STARD8: variants seen among roughly 807,000 people sequenced by gnomAD.
The protein encoded by STARD8 is stAR-related lipid transfer protein 8.
In STARD8, 25 loss-of-function variants were observed where a neutral mutation model predicts 69.4. The observed-to-expected ratio is 0.36, with a 90% CI of 0.26 to 0.50. The LOEUF is 0.50. Among genes scored for constraint, STARD8 ranks in the 20% least tolerant of loss-of-function variants. STARD8 has a pLI of 0.96. For missense variants in STARD8, 921 were observed against 932.5 expected, an observed-to-expected ratio of 0.99 and a Z score of 0.16; for synonymous variants, 389 against 374.6, an observed-to-expected ratio of 1.04 and a Z score of -0.45.
chrX:68,700,996 G>A (rs2079962408), intron 2 of STARD8, among the ~76,000 whole-genome samples: 1 of 111,527 alleles, frequency 9.0e-6, no homozygotes, highest in African/African-American at 3.3e-5. Flanking sequence ...CTGTCATTTG[G>A]TTGTTTTTCA....
chrX:68,717,071 C>T, intron 5 of STARD8, 141 bp from the exon 6 acceptor site: 1 of 983,003 alleles, frequency 1.0e-6, no homozygotes, highest in Non-Finnish European at 1.3e-6. Flanking sequence ...AGCTAGCTCT[C>T]CCCACCTAGG....
At chrX:68,691,865 T>A (rs1308683830) in intron 2 of STARD8, among the ~76,000 whole-genome samples, 1 of 112,664 alleles carries the variant, frequency 8.9e-6, no homozygotes, top group Non-Finnish European at 1.9e-5. Context: ...TCATTAGTCA[T>A]ATGATTGTCA....
chrX:68,666,560 G>A (rs2147880988), intron 2 of STARD8, among the ~76,000 whole-genome samples: 1 of 112,492 alleles, frequency 8.9e-6, no homozygotes, highest in African/African-American at 3.2e-5. Context: ...GATGCAGAGA[G>A]AGGATTCTAG....
chrX:68,709,565 T>C (rs928647287), intron 2 of STARD8, among the ~76,000 whole-genome samples: 9 of 111,455 alleles, frequency 8.1e-5, no homozygotes, highest in Admixed American at 5.7e-4. Flanking sequence ...CCTAGCACTT[T>C]GGGAGGCTGA....
chrX:68,695,482 T>C (rs998256579), intron 2 of STARD8, among the ~76,000 whole-genome samples: 20 of 111,519 alleles, frequency 1.8e-4, no homozygotes, highest in African/African-American at 3.3e-5. Context: ...TCTCCTGTTT[T>C]TGGAGAATTA....
At chrX:68,652,828 A>C (rs1602533547) in intron 1 of STARD8, among the ~76,000 whole-genome samples, 2 of 40,881 alleles carry the variant, frequency 4.9e-5, no homozygotes, top group Non-Finnish European at 8.9e-5. Flanking sequence ...CACACACCCC[A>C]CACCCCACAC....
chrX:68,688,525 C>T (rs962833586), intron 2 of STARD8, among the ~76,000 whole-genome samples: 3 of 110,974 alleles, frequency 2.7e-5, no homozygotes, highest in Admixed American at 1.9e-4. Flanking sequence ...AAGGAAGAGC[C>T]TCTCTTTCTG....
Position 68,724,498 on chromosome X carries a change from C to A in STARD8, c.*76C>A. 1 of 921,629 alleles carries A rather than the reference C, an allele frequency of 1.1e-6. No homozygotes were observed. Among genetic ancestry groups the A allele is most frequent in the Non-Finnish European group, 1.5e-6 (1 of 656,242 alleles). The allele number at this position is 921,629 out of a possible 1,213,427, so 76.0% of individuals were successfully genotyped here. ...GGAGCGAGGGGGAATAAGAGCAGGG[C>A]AGCCCCCTGGGTGCCGCTGTCAGGA... On this transcript the variant is annotated 3_prime_UTR_variant, in exon 15 of 15. Transcript: ENST00000374599.
intron 2 of STARD8, among the ~76,000 whole-genome samples, chrX:68,685,785 T>G (rs1328421081): frequency 8.9e-6 from 1 of 112,646 alleles, no homozygotes; most frequent in African/African-American, 3.2e-5. Context: ...ATTCTGGTAC[T>G]AGAAAGATTT....
rs2079524226 is a variant in STARD8 at position 68,647,822 on chromosome X, A to C, written c.-61A>C. 1.7e-6 allele frequency: 2 copies of C among 1,164,516 alleles called. No individual in the cohort carries two copies. The highest frequency in any genetic ancestry group is 2.3e-6 in the Non-Finnish European group (2 of 868,724). ...GGGCCTCTTTTAGCCTCGTCCCCAG[A>C]GAGGGAGGAGCCGGTGCCCGGCACA... On this transcript the variant is annotated 5_prime_UTR_variant, in exon 1 of 15. Coordinates refer to ENST00000374599, the MANE Select transcript of STARD8 (RefSeq NM_001142503.3).
At chrX:68,657,859 T>C (rs749387797) in intron 1 of STARD8, among the ~76,000 whole-genome samples, 7 of 110,257 alleles carry the variant, frequency 6.3e-5, no homozygotes, top group Non-Finnish European at 1.3e-4. Context: ...ATTGGGAAGG[T>C]GAGATGGGGA....
rs746323471 is a variant in STARD8 at position 68,718,225 on chromosome X, A to C, written c.1311A>C (p.Gln437His). Residue 437 changes from glutamine to histidine, a missense_variant, in exon 6 of 15, where the codon CAA (glutamine) becomes CAC (histidine). Coordinates refer to ENST00000374599, the MANE Select transcript of STARD8 (RefSeq NM_001142503.3). ...TAGCCACAGTTGAGGTCAAATGCCA[A>C]GCTGAGGCTCTCAGCCAGATGGAGG... ...VEIATVEVKC[Q>H]AEALSQMEVP... 1.7e-6 allele frequency: 2 copies of C among 1,211,673 alleles called. No homozygotes were observed. Among genetic ancestry groups the C allele is most frequent in the Non-Finnish European group, 2.2e-6 (2 of 895,420 alleles).
At chrX:68,681,763 T>C (rs939444636) in intron 2 of STARD8, among the ~76,000 whole-genome samples, 1 of 111,562 alleles carries the variant, frequency 9.0e-6, no homozygotes, top group Non-Finnish European at 1.9e-5. Flanking sequence ...GGCTTTGTGG[T>C]CAGGGTGCCA....
chrX:68,683,088 G>A (rs1231424329), intron 2 of STARD8, among the ~76,000 whole-genome samples: 2 of 112,264 alleles, frequency 1.8e-5, no homozygotes, highest in East Asian at 2.8e-4. Context: ...GATTAGCATC[G>A]ATATAGGGAA....
chrX:68,710,834 C>T (rs1180272179), intron 2 of STARD8, among the ~76,000 whole-genome samples: 1 of 112,301 alleles, frequency 8.9e-6, no homozygotes, highest in Non-Finnish European at 1.9e-5. Flanking sequence ...TTTCTGGCAC[C>T]TCCCTTTTGT....
intron 2 of STARD8, among the ~76,000 whole-genome samples, chrX:68,668,242 C>T (rs2079702711): frequency 1.3e-5 from 1 of 76,603 alleles, no homozygotes; most frequent in South Asian, 6.0e-4. Flanking sequence ...TCTCCTCTTT[C>T]TTTCTTTCTT....
At chrX:68,667,142 GA>G (rs1301990839) in intron 2 of STARD8, among the ~76,000 whole-genome samples, 1 of 112,208 alleles carries the variant, frequency 8.9e-6, no homozygotes, top group African/African-American at 3.2e-5. Context: ...GTTAAAGTTT[GA>G]AAATGTCTAT....
chrX:68,706,359 T>C (rs2080006865), intron 2 of STARD8, among the ~76,000 whole-genome samples: 1 of 112,001 alleles, frequency 8.9e-6, no homozygotes, highest in Admixed American at 9.4e-5. Context: ...AGAGTTGTGA[T>C]TCCAGTGAAG....
At chrX:68,691,635 G>A (rs2079877026) in intron 2 of STARD8, among the ~76,000 whole-genome samples, 1 of 112,427 alleles carries the variant, frequency 8.9e-6, no homozygotes, top group Non-Finnish European at 1.9e-5. Flanking sequence ...ACTGTCATTC[G>A]ACAAGCATTT....
Sources: gnomAD v4.1 joint callset for allele counts (sites outside exome capture counted in the v4.1 genomes callset) on GRCh38, gnomAD v4.1.1 for gene constraint, MANE v1.5 for transcripts, NCBI Gene and HGNC (gene_info 2026-07-23, HGNC 2026-07-21) for gene names.